DYM: variants seen among roughly 807,000 people sequenced by gnomAD.
The protein encoded by DYM is dymeclin.
A neutral mutation model predicts 93.1 loss-of-function variants in DYM; 78 were observed. The ratio of observed to expected loss-of-function variants is 0.84; its 90% CI spans 0.70 to 1.01. DYM has a LOEUF of 1.01. DYM is among the 50% of genes least tolerant of loss of function. The probability of loss-of-function intolerance (pLI) is 0.00; values close to 1 mark genes in which losing one functional copy is unlikely to be tolerated. For missense variants in DYM, 789 were observed against 845.0 expected, an observed-to-expected ratio of 0.93 and a Z score of 0.82; for synonymous variants, 321 against 319.7, an observed-to-expected ratio of 1.00 and a Z score of -0.04.
chr18:49,306,085 T>A (rs1181360204), intron 8 of DYM, among the ~76,000 whole-genome samples: 1 of 152,166 alleles, frequency 6.6e-6, no homozygotes, highest in Non-Finnish European at 1.5e-5. Flanking sequence ...ATTAGTGGAC[T>A]GAAAGATAAA....
At chr18:49,256,704 C>T (rs1264191670) in intron 13 of DYM, among the ~76,000 whole-genome samples, 1 of 152,182 alleles carries the variant, frequency 6.6e-6, no homozygotes, top group East Asian at 1.9e-4. Flanking sequence ...ATAAAATGCG[C>T]ATCAAATACA....
chr18:49,220,421 A>T (rs2093299915), intron 13 of DYM, among the ~76,000 whole-genome samples: 23 of 150,688 alleles, frequency 1.5e-4, no homozygotes, highest in Admixed American at 1.5e-3. Context: ...GTTCATATGG[A>T]ACCAAAAAAG....
chr18:49,446,437 TAA>T (rs2082098081), intron 1 of DYM, among the ~76,000 whole-genome samples: 2 of 152,022 alleles, frequency 1.3e-5, no homozygotes, highest in South Asian at 2.1e-4. Flanking sequence ...TCAAAATAAA[TAA>T]GAGAGAATGA....
At chr18:49,054,188 G>A (rs1209047184) in intron 17 of DYM, among the ~76,000 whole-genome samples, 1 of 152,172 alleles carries the variant, frequency 6.6e-6, no homozygotes, top group Non-Finnish European at 1.5e-5. Context: ...AATAACATCA[G>A]CAATGAATGT....
At chr18:49,414,822 TTAACA>T (rs2072731361) in intron 2 of DYM, among the ~76,000 whole-genome samples, 1 of 152,174 alleles carries the variant, frequency 6.6e-6, no homozygotes, top group African/African-American at 2.4e-5. Flanking sequence ...CAGAAATGAC[TTAACA>T]TATTTATTTG....
intron 2 of DYM, among the ~76,000 whole-genome samples, chr18:49,426,207 T>C (rs981680973): frequency 2.0e-5 from 3 of 152,154 alleles, no homozygotes; most frequent in Non-Finnish European, 2.9e-5. Flanking sequence ...CAGGGAATAC[T>C]ATGTAGCCAT....
At chr18:49,332,911 G>A (rs1568267294) in intron 7 of DYM, among the ~76,000 whole-genome samples, 2 of 152,136 alleles carry the variant, frequency 1.3e-5, no homozygotes, top group Non-Finnish European at 2.9e-5. Context: ...CGGTCATTCT[G>A]AGTGTCATTC....
intron 8 of DYM, among the ~76,000 whole-genome samples, chr18:49,302,030 T>A (rs931242777): frequency 6.6e-6 from 1 of 152,194 alleles, no homozygotes; most frequent in Non-Finnish European, 1.5e-5. Flanking sequence ...TTAAAAATAA[T>A]GGAATCATAA....
At chr18:49,457,577 C>T (rs1401477172) in intron 1 of DYM, among the ~76,000 whole-genome samples, 2 of 152,176 alleles carry the variant, frequency 1.3e-5, no homozygotes, top group Admixed American at 6.5e-5. Flanking sequence ...AAGTAAAAGA[C>T]GGCCCTCTCG....
At chr18:49,205,888 C>CA (rs1722410966) in intron 14 of DYM, 1 of 161,692 alleles carries the variant, frequency 6.2e-6, no homozygotes, top group African/African-American at 2.4e-5. Flanking sequence ...CACAGAAGTG[C>CA]TCTCTTTCAG....
chr18:49,107,047 C>G (rs914496693), intron 16 of DYM, among the ~76,000 whole-genome samples: 1 of 152,244 alleles, frequency 6.6e-6, no homozygotes, highest in Admixed American at 6.5e-5. Flanking sequence ...GTACACCAAT[C>G]AGACGTAGAT....
chr18:49,278,588 G>C lies in DYM; in HGVS notation c.1125+3409C>G, dbSNP rs189046670. On this transcript the variant is annotated intron_variant, in intron 10 of 17. Transcript: ENST00000675505. ...CCCATAGTCATTGGTCAAATAAGTGGATACACAACCCAAGAAGAGACTATT... is the reference window on the plus strand; with the variant it reads ...CCCATAGTCATTGGTCAAATAAGTGCATACACAACCCAAGAAGAGACTATT... Among the ~76,000 whole-genome samples the C allele has an allele frequency of 7.2e-5, 11 of 152,140 alleles. No homozygotes were observed. In the East Asian group the frequency reaches 2.1e-3, roughly 29 times the overall value.
chr18:49,090,129 T>C (rs1356251565), intron 17 of DYM, among the ~76,000 whole-genome samples: 1 of 152,260 alleles, frequency 6.6e-6, no homozygotes, highest in Admixed American at 6.5e-5. Flanking sequence ...GATCCATTTA[T>C]AAGCCTGTGT....
At chr18:49,195,762 C>T (rs547419623) in intron 14 of DYM, among the ~76,000 whole-genome samples, 1 of 152,246 alleles carries the variant, frequency 6.6e-6, no homozygotes, top group African/African-American at 2.4e-5. Context: ...AATTCTTTCA[C>T]TGGGAGGAAA....
At chr18:49,356,810 T>C (rs1055165901) in intron 6 of DYM, among the ~76,000 whole-genome samples, 26 of 152,238 alleles carry the variant, frequency 1.7e-4, no homozygotes, top group African/African-American at 5.8e-4. Flanking sequence ...CCAATAAATG[T>C]GCATCTTATA....
At chr18:49,262,547 T>C (rs1454553806) in intron 11 of DYM, among the ~76,000 whole-genome samples, 1 of 152,210 alleles carries the variant, frequency 6.6e-6, no homozygotes, top group African/African-American at 2.4e-5. Context: ...AGCATGTTTC[T>C]GTAACCCTCC....
Position 49,104,952 on chromosome 18 carries a change from T to G in DYM, c.1912-7437A>C, listed in dbSNP as rs1490023039. Among the ~76,000 whole-genome samples, 3 of 152,246 alleles carry G rather than the reference T, an allele frequency of 2.0e-5. No homozygotes were observed. In the East Asian group the frequency reaches 5.8e-4, roughly 29 times the overall value. On this transcript the variant is annotated intron_variant, in intron 16 of 17. Coordinates refer to ENST00000675505, the MANE Select transcript of DYM (RefSeq NM_001353214.3). ...ATGAGTTAGGGAGGATTCCCTCTTTTTCTATTGATTGGAATAGTTTCAGAA... is the reference window on the plus strand; with the variant it reads ...ATGAGTTAGGGAGGATTCCCTCTTTGTCTATTGATTGGAATAGTTTCAGAA...
At chr18:49,190,281 C>T (rs1423516567) in intron 14 of DYM, among the ~76,000 whole-genome samples, 1 of 152,186 alleles carries the variant, frequency 6.6e-6, no homozygotes, top group Non-Finnish European at 1.5e-5. Context: ...TTCACTGATA[C>T]TACATTGGTT....
At chr18:49,424,226 T>A (rs1320762801) in intron 2 of DYM, among the ~76,000 whole-genome samples, 1 of 152,298 alleles carries the variant, frequency 6.6e-6, no homozygotes, top group East Asian at 1.9e-4. Flanking sequence ...ATCCCTGGGA[T>A]GCAAGGCTGG....
Sources: allele counts gnomAD v4.1 joint callset (sites outside exome capture counted in the v4.1 genomes callset), GRCh38; gene constraint gnomAD v4.1.1; transcripts MANE v1.5; gene names NCBI Gene and HGNC (gene_info 2026-07-23, HGNC 2026-07-21).